The following PRRG1 variants were observed in gnomAD, a reference collection of about 807,000 sequenced individuals.
The protein encoded by PRRG1 is transmembrane gamma-carboxyglutamic acid protein 1.
A neutral mutation model predicts 11.8 loss-of-function variants in PRRG1; 5 were observed. The ratio of observed to expected loss-of-function variants is 0.42; its 90% CI spans 0.22 to 0.89. The LOEUF (loss-of-function observed/expected upper bound fraction) is 0.89. Ranked by LOEUF, PRRG1 falls within the 40% of genes least tolerant of loss-of-function variation. The pLI is 0.28. For synonymous variants in PRRG1, 66 were observed against 60.4 expected (o/e 1.09, Z -0.43); for missense variants, 155 against 166.1 (o/e 0.93, Z 0.37).
chrX:37,350,402 C>A (rs1257365678), intron 1 of PRRG1, among the ~76,000 whole-genome samples: 1 of 111,531 alleles, frequency 9.0e-6, no homozygotes, highest in Non-Finnish European at 1.9e-5. Context: ...TTGAAGGATG[C>A]GAAGGTGTTC....
At chrX:37,430,008 T>G (rs1282655552) in intron 3 of PRRG1, among the ~76,000 whole-genome samples, 1 of 111,804 alleles carries the variant, frequency 8.9e-6, no homozygotes, top group Non-Finnish European at 1.9e-5. Context: ...CCCCCATGAT[T>G]CAATTACCTC....
intron 3 of PRRG1, chrX:37,441,849 G>A: frequency 6.4e-6 from 5 of 783,419 alleles, no homozygotes; most frequent in Non-Finnish European, 7.7e-6. Flanking sequence ...ACCTGGAGAA[G>A]AGTGTCAACC....
At chrX:37,378,551 G>T (rs1931052597) in intron 1 of PRRG1, among the ~76,000 whole-genome samples, 1 of 111,691 alleles carries the variant, frequency 9.0e-6, no homozygotes, top group South Asian at 3.7e-4. Context: ...TTCCAAGGAA[G>T]TGAATGGATA....
At chrX:37,381,273 T>G (rs1371615393) in intron 1 of PRRG1, among the ~76,000 whole-genome samples, 1 of 112,136 alleles carries the variant, frequency 8.9e-6, no homozygotes, top group Non-Finnish European at 1.9e-5. Context: ...TTTCTAAATA[T>G]GTTATACAAA....
At chrX:37,381,820 T>C (rs781837489) in intron 1 of PRRG1, among the ~76,000 whole-genome samples, 1 of 111,843 alleles carries the variant, frequency 8.9e-6, no homozygotes, top group East Asian at 2.8e-4. Flanking sequence ...TTTTTTATCA[T>C]GATTTGGTGA....
At chrX:37,441,530 C>T in intron 3 of PRRG1, 2 of 759,331 alleles carry the variant, frequency 2.6e-6, no homozygotes, top group African/African-American at 2.3e-5. Flanking sequence ...GCCATGGCCA[C>T]CACCCCAGTG....
rs200847621 is a variant in PRRG1 at position 37,425,933 on chromosome X, G to A, written c.104G>A (p.Arg35His). Residue 35 changes from arginine to histidine, a missense_variant, in exon 3 of 4, where the codon CGT (arginine) becomes CAT (histidine). Transcript: ENST00000378628. Reference sequence around the variant, plus strand: ...GAAATAAGACAGGGCAACATTGAGCGTGAGTGCAAAGAAGAATTCTGTACA... The same window carrying A: ...GAAATAAGACAGGGCAACATTGAGCATGAGTGCAAAGAAGAATTCTGTACA... ...FEEIRQGNIE[R>H]ECKEEFCTFE... 6 of 1,205,104 alleles carry A rather than the reference G, an allele frequency of 5.0e-6. No homozygotes were observed. Among genetic ancestry groups the A allele is most frequent in the East Asian group, 3.0e-5 (1 of 33,633 alleles).
rs149313061 is a variant in PRRG1, at chrX:37,389,882, G to A, written c.-41-16327G>A. Among the ~76,000 whole-genome samples the A allele has an allele frequency of 3.3e-3, 372 of 112,040 alleles. 2 individuals carry two copies. Among genetic ancestry groups the A allele is most frequent in the African/African-American group, 0.011 (350 of 30,875 alleles). ...TGAGTAGGTCTTACTGATTGGTAATGTTAGATTGAGCCATGGATATTGCCA... is the reference window on the plus strand; with the variant it reads ...TGAGTAGGTCTTACTGATTGGTAATATTAGATTGAGCCATGGATATTGCCA... On this transcript the variant is annotated intron_variant, in intron 1 of 3. Transcript: ENST00000378628.
chrX:37,399,104 A>T (rs1445567380), intron 1 of PRRG1, among the ~76,000 whole-genome samples: 1 of 111,809 alleles, frequency 8.9e-6, no homozygotes, highest in African/African-American at 3.3e-5. Context: ...AGGCAGGCCA[A>T]CATTCAAATT....
intron 3 of PRRG1, among the ~76,000 whole-genome samples, chrX:37,431,688 A>G (rs1211253389): frequency 2.7e-5 from 3 of 111,468 alleles, no homozygotes; most frequent in Non-Finnish European, 3.8e-5. Context: ...TTTGAATTTT[A>G]TGTATTAATT....
intron 1 of PRRG1, among the ~76,000 whole-genome samples, chrX:37,378,254 T>C (rs1416612927): frequency 1.8e-5 from 2 of 112,173 alleles, no homozygotes; most frequent in Non-Finnish European, 3.8e-5. Flanking sequence ...GTCTTACTCT[T>C]ATATCTCTGA....
intron 1 of PRRG1, among the ~76,000 whole-genome samples, chrX:37,380,682 A>G (rs1281001737): frequency 1.8e-5 from 2 of 111,041 alleles, no homozygotes; most frequent in Non-Finnish European, 3.8e-5. Flanking sequence ...TAACTAGGGG[A>G]AAGAAGGAAT....
intron 1 of PRRG1, among the ~76,000 whole-genome samples, chrX:37,388,461 G>T (rs1461900775): frequency 8.0e-5 from 9 of 113,090 alleles, no homozygotes; most frequent in Non-Finnish European, 1.3e-4. Context: ...GAGGCTCTCA[G>T]GCCTCAACTC....
chrX:37,380,551 C>T (rs1931121227), intron 1 of PRRG1, among the ~76,000 whole-genome samples: 1 of 111,069 alleles, frequency 9.0e-6, no homozygotes, highest in East Asian at 2.8e-4. Context: ...TTTTAATGAG[C>T]AGATCAAGTA....
chrX:37,436,116 TA>T (rs1175157701), intron 3 of PRRG1, among the ~76,000 whole-genome samples: 2 of 112,085 alleles, frequency 1.8e-5, no homozygotes, highest in Non-Finnish European at 3.8e-5. Flanking sequence ...TATTAGATTC[TA>T]AAGAAAGCAG....
rs782481652 is a variant in PRRG1, at chrX:37,418,475, T to C, written c.11-7365T>C. ...AGATTCAGTCTGTGGTACAGCAACA[T>C]TTATACAATACTGGGAAAAAATTTT... On this transcript the variant is annotated intron_variant, in intron 2 of 3. Transcript: ENST00000378628. Among the ~76,000 whole-genome samples, 4 of 112,397 alleles carry C rather than the reference T, an allele frequency of 3.6e-5. No individual in the cohort carries two copies. The South Asian group carries it at 1.1e-3, about 31-fold the overall frequency.
At chrX:37,425,536 G>A (rs782037974) in intron 2 of PRRG1, among the ~76,000 whole-genome samples, 4 of 112,142 alleles carry the variant, frequency 3.6e-5, no homozygotes, top group Non-Finnish European at 5.6e-5. Context: ...ACAGTAATGA[G>A]TATAAGTAGT....
At chrX:37,425,612 A>G in intron 2 of PRRG1, 1 of 321,204 alleles carries the variant, frequency 3.1e-6, no homozygotes, top group South Asian at 1.1e-4. Flanking sequence ...TGAATATAAC[A>G]TAGTTAATTA....
At chrX:37,435,526 A>G (rs1286463294) in intron 3 of PRRG1, among the ~76,000 whole-genome samples, 1 of 110,638 alleles carries the variant, frequency 9.0e-6, no homozygotes, top group Admixed American at 9.7e-5. Flanking sequence ...TAACTTTGCA[A>G]TGGAGAAACC....
Sources: gnomAD v4.1 joint callset for allele counts (sites outside exome capture counted in the v4.1 genomes callset) on GRCh38, gnomAD v4.1.1 for gene constraint, MANE v1.5 for transcripts, NCBI Gene and HGNC (gene_info 2026-07-23, HGNC 2026-07-21) for gene names.